The following MDN1 variants were observed in gnomAD, a reference collection of about 807,000 sequenced individuals.
MDN1 encodes midasin.
A neutral mutation model predicts 669.2 loss-of-function variants in MDN1; 266 were observed. That is an observed-to-expected ratio of 0.40 (90% CI 0.36 to 0.44). MDN1 has a LOEUF of 0.44. Ranked by LOEUF, MDN1 falls within the 20% of genes least tolerant of loss-of-function variation. The pLI is 1.00. For synonymous variants in MDN1, 2,385 were observed against 2,457.1 expected (o/e 0.97, Z 0.87); for missense variants, 5,940 against 6,754.0 (o/e 0.88, Z 4.22).
chr6:89,812,571 GTT>G (rs1249083447), intron 1 of MDN1, among the ~76,000 whole-genome samples: 1 of 152,054 alleles, frequency 6.6e-6, no homozygotes, highest in East Asian at 1.9e-4. Context: ...AGTTTTTACT[GTT>G]TTGAGTAATG....
intron 34 of MDN1, 45 bp from the exon 35 acceptor site, chr6:89,730,968 A>G (rs1389529103): frequency 1.3e-6 from 2 of 1,533,598 alleles, no homozygotes; most frequent in Middle Eastern, 1.7e-4. Flanking sequence ...TACAACACCA[A>G]GCTTCACCAC....
intron 69 of MDN1, 43 bp downstream of exon 69, chr6:89,686,859 C>T (rs559688635): frequency 1.7e-5 from 28 of 1,606,894 alleles, no homozygotes; most frequent in Non-Finnish European, 2.2e-5. Context: ...TCCATTTAGC[C>T]GGGAAGCTCT....
At chr6:89,779,589 C>T (rs1355249744) in intron 11 of MDN1, among the ~76,000 whole-genome samples, 1 of 152,158 alleles carries the variant, frequency 6.6e-6, no homozygotes, top group African/African-American at 2.4e-5. Flanking sequence ...TATGTAGGAA[C>T]AAACATTGCT....
chr6:89,714,296 G>A lies in MDN1; in HGVS notation c.7069+247C>T, dbSNP rs577178957. On this transcript the variant is annotated intron_variant, in intron 46 of 101. Transcript: ENST00000369393. ...AGTGCGTAAAGTGGAATTACTCGAG[G>A]GTTAGCCTCTGCTTACTTGCATCAG... Among the ~76,000 whole-genome samples, 4 of 152,112 alleles carry A rather than the reference G, an allele frequency of 2.6e-5. No homozygotes were observed. In the East Asian group the frequency reaches 7.7e-4, roughly 29 times the overall value.
rs779839958 is a variant in MDN1 at position 89,740,319 on chromosome 6, T to G, written c.4508A>C (p.Asp1503Ala). Reference sequence around the variant, plus strand: ...AGCAGTCAACAGCTCTATTTCACTATCCTTGTCCTCTGGACTGCCTTTTTC... The same window carrying G: ...AGCAGTCAACAGCTCTATTTCACTAGCCTTGTCCTCTGGACTGCCTTTTTC... ...LAEKGSPEDK[D>A]SEIELLTAGK... The change falls in exon 32 of 102, where the codon GAT (aspartate) becomes GCT (alanine). Residue 1503 changes from aspartate (D) to alanine (A), a missense_variant. Physicochemically the swap from Asp to Ala is moderately radical, Grantham distance 126 (BLOSUM62 -2). This residue lies in a region of MDN1 where 2,292 missense variants were observed against 2,638.3 expected (regional missense o/e 0.87). Transcript: ENST00000369393. The G allele has an allele frequency of 6.2e-7, 1 of 1,606,716 alleles. No homozygotes were observed. The highest frequency in any genetic ancestry group is 8.5e-7 in the Non-Finnish European group (1 of 1,178,016).
Position 89,699,705 on chromosome 6 carries a change from G to C in MDN1, c.8893C>G (p.Gln2965Glu). ...AGGTGACTTATCTCCTCATTTATCTGGGGTTGTTGATTTTTGCTGCATCTG... is the reference window on the plus strand; with the variant it reads ...AGGTGACTTATCTCCTCATTTATCTCGGGTTGTTGATTTTTGCTGCATCTG... ...LRRCSKNQQP[Q>E]INEEISHLIS... The change falls in exon 58 of 102, where the codon CAG (glutamine) becomes GAG (glutamate). Residue 2965 changes from glutamine (Q) to glutamate (E), a missense_variant. Around this residue, in one of 5 missense-constraint regions of MDN1, gnomAD observed 2,292 missense variants for 2,638.3 expected, o/e 0.87. Transcript: ENST00000369393. The C allele has an allele frequency of 6.2e-7, 1 of 1,614,006 alleles. No individual in the cohort carries two copies. The highest frequency in any genetic ancestry group is 8.5e-7 in the Non-Finnish European group (1 of 1,179,954).
rs114939223 is a variant in MDN1 at position 89,648,322 on chromosome 6, A to C, written c.16214T>G (p.Phe5405Cys). Residue 5405 changes from phenylalanine (F) to cysteine (C), a missense_variant, in exon 98 of 102, where the codon TTT becomes TGT. Physicochemically the swap from Phe to Cys is radical, Grantham distance 205. Transcript: ENST00000369393. Reference protein sequence around the residue: ...MVDNHTKQLAFESLAVIGNAL... With the variant: ...MVDNHTKQLACESLAVIGNAL... ...ATTTCCAATCACAGCCAAAGATTCA[A>C]ATGCAAGCTGTGAATTAGAAAGTTA... is the stretch of plus-strand genomic sequence containing the variant. 6.2e-7 allele frequency: 1 copy of C among 1,614,034 alleles called. No individual in the cohort carries two copies. The highest frequency in any genetic ancestry group is 8.5e-7 in the Non-Finnish European group (1 of 1,179,892).
chr6:89,643,992 T>G lies in MDN1; in HGVS notation c.*13A>C. On this transcript the variant is annotated 3_prime_UTR_variant, in exon 102 of 102. Coordinates refer to ENST00000369393, the MANE Select transcript of MDN1 (RefSeq NM_014611.3). ...ACCACAGTTAAGTCTCACTTTGGAC[T>G]CTTCTTTCTGTTCTATGGGTGGTCA... 1 of 1,590,650 alleles carries G rather than the reference T, an allele frequency of 6.3e-7. No homozygotes were observed. The highest frequency in any genetic ancestry group is 8.6e-7 in the Non-Finnish European group (1 of 1,169,042).
chr6:89,658,887 G>C lies in MDN1; in HGVS notation c.14744C>G (p.Pro4915Arg). 1 of 1,612,294 alleles carries C rather than the reference G, an allele frequency of 6.2e-7. No homozygotes were observed. The highest frequency in any genetic ancestry group is 8.5e-7 in the Non-Finnish European group (1 of 1,179,534). ...CTCAGCTTCATGACCTGCTTCTTCT[G>C]GTTTTTCTTTTATCTCCAAAGGATT... ...EENPLEIKEK[P>R]EEAGHEAEER... The change falls in exon 89 of 102, where the codon CCA (proline) becomes CGA (arginine). Residue 4915 changes from proline to arginine, a missense_variant. Physicochemically the swap from Pro to Arg is moderately radical, Grantham distance 103. This residue lies in a region of MDN1 where 2,280 missense variants were observed against 2,576.3 expected (regional missense o/e 0.88). Coordinates refer to ENST00000369393, the MANE Select transcript of MDN1 (RefSeq NM_014611.3).
At chr6:89,682,723 A>C (rs1235210919) in intron 73 of MDN1, among the ~76,000 whole-genome samples, 5 of 148,552 alleles carry the variant, frequency 3.4e-5, no homozygotes, top group African/African-American at 1.2e-4. Context: ...AAAAAAAAAA[A>C]AAAACTAAAA....
At chr6:89,714,851 C>T (rs1814217849) in intron 45 of MDN1, 100 bp from the exon 46 acceptor site, 1 of 920,724 alleles carries the variant, frequency 1.1e-6, no homozygotes, top group Non-Finnish European at 1.6e-6. Flanking sequence ...CTATGTGGCT[C>T]ATTGTCACAG....
chr6:89,780,105 T>C (rs1818589199), intron 11 of MDN1, 107 bp downstream of exon 11: 2 of 606,226 alleles, frequency 3.3e-6, no homozygotes, highest in Middle Eastern at 3.2e-4. Context: ...CAAACCATAC[T>C]TGGAAAAAAG....
intron 15 of MDN1, among the ~76,000 whole-genome samples, chr6:89,766,985 T>C (rs1171847383): frequency 6.6e-6 from 1 of 152,212 alleles, no homozygotes; most frequent in Admixed American, 6.5e-5. Context: ...TATATCACTG[T>C]TTCTCCCTCA....
At position 89,738,321 on chromosome 6, in the gene MDN1, C is replaced by G. The variant is rs774261400; in HGVS notation, c.4723+5G>C. The G allele has an allele frequency of 6.2e-7, 1 of 1,613,488 alleles. No homozygotes were observed. The highest frequency in any genetic ancestry group is 2.2e-5 in the East Asian group (1 of 44,858). ...ATACTACCATCACCACCTGCAAACTCTCACCTTTAGGATCTATTCTGCCCA... is the reference window on the plus strand; with the variant it reads ...ATACTACCATCACCACCTGCAAACTGTCACCTTTAGGATCTATTCTGCCCA... On this transcript the variant is annotated splice_donor_5th_base_variant and intron_variant, in intron 33 of 101. Coordinates refer to ENST00000369393, the MANE Select transcript of MDN1 (RefSeq NM_014611.3).
intron 99 of MDN1, among the ~76,000 whole-genome samples, chr6:89,647,023 G>T (rs1808530796): frequency 6.6e-6 from 1 of 152,164 alleles, no homozygotes; most frequent in South Asian, 2.1e-4. Flanking sequence ...CTGGCCTCAA[G>T]CGGTCCTCAC....
At position 89,644,057 on chromosome 6, in the gene MDN1, C is replaced by T. The variant is rs748596929; in HGVS notation, c.16739G>A (p.Ser5580Asn). 1.2e-6 allele frequency: 2 copies of T among 1,614,030 alleles called. No individual in the cohort carries two copies. Among genetic ancestry groups the T allele is most frequent in the South Asian group, 1.1e-5 (1 of 91,062 alleles). The change falls in exon 102 of 102, where the codon AGC (serine) becomes AAC (asparagine). Residue 5580 changes from serine to asparagine, a missense_variant. Transcript: ENST00000369393. ...CTCAAACCACTGTCTGAGGGCATCG[C>T]TGAGTGTCTCAGGAAGTGCGTTTAC... is the stretch of plus-strand genomic sequence containing the variant. ...RDVNALPETLSDALRQWFELV... is the reference protein window; with the variant it reads ...RDVNALPETLNDALRQWFELV...
intron 33 of MDN1, among the ~76,000 whole-genome samples, chr6:89,733,549 A>C (rs939042577): frequency 6.6e-6 from 1 of 151,946 alleles, no homozygotes; most frequent in African/African-American, 2.4e-5. Flanking sequence ...AGCAGCCTCC[A>C]AAAGCTATAT....
At chr6:89,686,532 C>T (rs939061616) in intron 69 of MDN1, among the ~76,000 whole-genome samples, 7 of 152,300 alleles carry the variant, frequency 4.6e-5, no homozygotes, top group Middle Eastern at 3.4e-3. Flanking sequence ...TTATAAGGTG[C>T]TTGTCACAAG....
intron 84 of MDN1, among the ~76,000 whole-genome samples, chr6:89,665,708 A>G (rs1325472046): frequency 7.0e-5 from 1 of 14,228 alleles, no homozygotes; most frequent in Non-Finnish European, 1.3e-4. Context: ...CTCCGTTTCA[A>G]AAAAAAAAAA....
Sources: allele counts gnomAD v4.1 joint callset (sites outside exome capture counted in the v4.1 genomes callset), GRCh38; gene constraint gnomAD v4.1.1; regional missense constraint gnomAD v4.1.1; transcripts MANE v1.5; gene names NCBI Gene and HGNC (gene_info 2026-07-23, HGNC 2026-07-21).